NF1: variants seen among roughly 807,000 people sequenced by gnomAD.
The protein encoded by NF1 is neurofibromin 1.
A neutral mutation model predicts 325.7 loss-of-function variants in NF1; 122 were observed. The observed-to-expected ratio is 0.37, with a 90% CI of 0.32 to 0.44. NF1 has a LOEUF of 0.44. Among genes scored for constraint, NF1 ranks in the 20% least tolerant of loss-of-function variants. The pLI, the probability that NF1 is intolerant of heterozygous loss-of-function variation, is 1.00. For synonymous variants in NF1, 1,091 were observed against 1,186.0 expected, an observed-to-expected ratio of 0.92 and a Z score of 1.65; for missense variants, 2,140 against 3,415.4, an observed-to-expected ratio of 0.63 and a Z score of 9.31.
chr17:31,295,393 CGTT>C (rs764869940), intron 36 of NF1: 15 of 1,613,950 alleles, frequency 9.3e-6, no homozygotes, highest in Non-Finnish European at 1.3e-5. Context: ...TGGCACCAAA[CGTT>C]GTTTCCTTTG....
chr17:31,349,294 A>G lies in NF1; in HGVS notation c.7321+43A>G, dbSNP rs139738168. On this transcript the variant is annotated intron_variant, in intron 49 of 57. Transcript: ENST00000358273. ...ACAAAATTAATCTTGCTACATCTAT[A>G]TATAAGGATCACCCAAAAAGTACAA... is the stretch of plus-strand genomic sequence containing the variant. The G allele has an allele frequency of 4.6e-4, 736 of 1,596,092 alleles. 13 individuals are homozygous for G. The East Asian group carries it at 0.014, about 31-fold the overall frequency.
chr17:31,238,593 GT>G (rs941104130), intron 29 of NF1, among the ~76,000 whole-genome samples: 7 of 152,038 alleles, frequency 4.6e-5, no homozygotes, highest in African/African-American at 1.7e-4. Context: ...AATTAGCTGG[GT>G]GTGGTGGCAC....
At chr17:31,342,400 C>G (rs2069848242) in intron 47 of NF1, among the ~76,000 whole-genome samples, 1 of 152,092 alleles carries the variant, frequency 6.6e-6, no homozygotes, top group Admixed American at 6.5e-5. Context: ...GAGTTCGAGA[C>G]CAGCCTGGCC....
intron 36 of NF1, among the ~76,000 whole-genome samples, chr17:31,275,642 A>T (rs965249188): frequency 1.3e-5 from 2 of 152,182 alleles, no homozygotes; most frequent in East Asian, 1.9e-4. Context: ...TATCCCCCAC[A>T]GTTAAGGGGG....
At chr17:31,280,726 G>T (rs987868541) in intron 36 of NF1, among the ~76,000 whole-genome samples, 1 of 151,802 alleles carries the variant, frequency 6.6e-6, no homozygotes, top group South Asian at 2.1e-4. Flanking sequence ...ACACATTACT[G>T]CCAGAATCAT....
intron 31 of NF1, among the ~76,000 whole-genome samples, chr17:31,257,173 G>A (rs148441696): frequency 1.5e-4 from 23 of 152,124 alleles, no homozygotes; most frequent in African/African-American, 5.3e-4. Context: ...GAAAAAAATA[G>A]CTACGTGATA....
intron 8 of NF1, among the ~76,000 whole-genome samples, chr17:31,187,473 G>A (rs565939389): frequency 6.6e-6 from 1 of 152,120 alleles, no homozygotes; most frequent in Non-Finnish European, 1.5e-5. Flanking sequence ...AGGATTACAG[G>A]CATGAGCCAA....
intron 29 of NF1, among the ~76,000 whole-genome samples, chr17:31,246,328 G>A (rs1281542125): frequency 6.6e-6 from 1 of 152,178 alleles, no homozygotes; most frequent in African/African-American, 2.4e-5. Flanking sequence ...GTTCAATGAA[G>A]TATTTCTTGC....
chr17:31,269,081 T>C (rs1337568039), intron 36 of NF1, among the ~76,000 whole-genome samples: 2 of 152,078 alleles, frequency 1.3e-5, no homozygotes, highest in African/African-American at 4.8e-5. Context: ...TCGAAACCAT[T>C]TTCCCCCACT....
At chr17:31,200,389 A>G (rs1204461361) in intron 8 of NF1, 33 bp from the exon 9 acceptor site, 3 of 1,607,006 alleles carry the variant, frequency 1.9e-6, no homozygotes, top group South Asian at 1.1e-5. Context: ...GAAACTTCAT[A>G]TATTATCTTA....
At position 31,340,512 on chromosome 17, in the gene NF1, C is replaced by T. The variant is rs148736217; in HGVS notation, c.6929C>T (p.Pro2310Leu). The change falls in exon 47 of 58, where the codon CCT becomes CTT. Residue 2310 changes from proline (P) to leucine (L), a missense_variant. Pro to Leu is a moderately conservative substitution (Grantham distance 98). This residue lies in a region of NF1 where 522 missense variants were observed against 749.0 expected (regional missense o/e 0.70). Transcript: ENST00000358273. ...ACATATCTTCTTTGCCAGGACTCGC[C>T]TCTGCACAAAGCCCTCTTTTGGGTA... ...KLQPLLNKDS[P>L]LHKALFWVAV... The T allele has an allele frequency of 1.2e-4, 194 of 1,614,084 alleles. No homozygotes were observed. Among genetic ancestry groups the T allele is most frequent in the Admixed American group, 1.2e-4 (7 of 59,998 alleles).
At chr17:31,164,271 A>G (rs1385334023) in intron 4 of NF1, among the ~76,000 whole-genome samples, 1 of 152,242 alleles carries the variant, frequency 6.6e-6, no homozygotes, top group Non-Finnish European at 1.5e-5. Context: ...TGTATCAAAA[A>G]TATAATTTAA....
At chr17:31,308,683 T>C (rs2068794513) in intron 36 of NF1, among the ~76,000 whole-genome samples, 1 of 152,128 alleles carries the variant, frequency 6.6e-6, no homozygotes, top group Non-Finnish European at 1.5e-5. Flanking sequence ...CCTTTCTGGC[T>C]GCATATCTGA....
At chr17:31,272,657 A>G (rs1234691104) in intron 36 of NF1, 1 of 152,200 alleles carries the variant, frequency 6.6e-6, no homozygotes, top group Non-Finnish European at 1.5e-5. Context: ...TTGACGCAGG[A>G]TTGGATACTG....
chr17:31,296,341 G>A lies in NF1; in HGVS notation c.4836-29479G>A, dbSNP rs769244779. On this transcript the variant is annotated intron_variant, in intron 36 of 57. Transcript: ENST00000358273. ...ATATCTGATATTCCATCAAAGCCTA[G>A]AAACAAACAGATACACCCTTCTTTT... is the stretch of plus-strand genomic sequence containing the variant. 132 of 1,613,804 alleles carry A rather than the reference G, an allele frequency of 8.2e-5. 1 individual carries two copies. In the Admixed American group the frequency reaches 2.2e-3, roughly 26 times the overall value.
chr17:31,278,493 CTTTTTTTTTTTTTTTTTTTTTTTTTT>C (rs200450821), intron 36 of NF1, among the ~76,000 whole-genome samples: 784 of 15,360 alleles, frequency 0.051, 62 homozygotes, highest in African/African-American at 0.13. Flanking sequence ...GTAATTGAAG[CTTTTTTTTTTTTTTTTTTTTTTTTTT>C]TTTTTTTTTT....
At chr17:31,183,000 C>T (rs2143789461) in intron 8 of NF1, 1 of 555,864 alleles carries the variant, frequency 1.8e-6, no homozygotes, top group East Asian at 2.8e-5. Context: ...GAGTTCATCA[C>T]TTTTATAGTG....
intron 36 of NF1, among the ~76,000 whole-genome samples, chr17:31,320,027 C>G (rs1464906680): frequency 6.6e-6 from 1 of 151,948 alleles, no homozygotes; most frequent in Non-Finnish European, 1.5e-5. Context: ...AAAAAGGAGA[C>G]AAGTTATATT....
intron 36 of NF1, chr17:31,305,318 C>G (rs373785777): frequency 1.2e-6 from 2 of 1,614,104 alleles, no homozygotes; most frequent in South Asian, 2.2e-5. Context: ...GGTTGTCCAG[C>G]AGAAGTATGT....
Sources: gnomAD v4.1 joint callset for allele counts (sites outside exome capture counted in the v4.1 genomes callset) on GRCh38, gnomAD v4.1.1 for gene constraint, gnomAD v4.1.1 regional missense constraint, MANE v1.5 for transcripts, NCBI Gene and HGNC (gene_info 2026-07-23, HGNC 2026-07-21) for gene names.